PITRM1: variants seen among roughly 807,000 people sequenced by gnomAD.
PITRM1 encodes the protein presequence protease, mitochondrial.
In PITRM1, 100 loss-of-function variants were observed where a neutral mutation model predicts 129.9. That is an observed-to-expected ratio of 0.77 (90% CI 0.65 to 0.91). The LOEUF is 0.91. Ranked by LOEUF, PITRM1 falls within the 40% of genes least tolerant of loss-of-function variation. PITRM1 has a pLI of 0.00. For synonymous variants in PITRM1, 591 were observed against 508.8 expected, an observed-to-expected ratio of 1.16 and a Z score of -2.17; for missense variants, 1,471 against 1,318.3, an observed-to-expected ratio of 1.12 and a Z score of -1.79.
Position 3,160,245 on chromosome 10 carries a change from G to C in PITRM1, c.877C>G (p.Pro293Ala), listed in dbSNP as rs1842335527. Reference protein sequence around the residue: ...EALSKFQKIEPSTVVPAQTPW... With the variant: ...EALSKFQKIEASTVVPAQTPW... ...GTCTGAGCTGGCACCACGGTGCTTG[G>C]TTCAATTTTCTGGAATTTGCTCAGT... Residue 293 changes from proline (P) to alanine (A), a missense_variant, in exon 8 of 27, where the codon CCA becomes GCA. By Grantham distance (27) the Pro-to-Ala change is conservative. Coordinates refer to ENST00000224949, the MANE Select transcript of PITRM1 (RefSeq NM_014889.4). 5 of 1,613,856 alleles carry C rather than the reference G, an allele frequency of 3.1e-6. No individual in the cohort carries two copies. The highest frequency in any genetic ancestry group is 4.2e-6 in the Non-Finnish European group (5 of 1,179,856).
At chr10:3,163,980 C>T in intron 6 of PITRM1, 95 bp from the exon 7 acceptor site, 1 of 721,750 alleles carries the variant, frequency 1.4e-6, no homozygotes, top group Non-Finnish European at 2.1e-6. Context: ...CATTCTGGTG[C>T]ATACACCTGT....
Position 3,158,958 on chromosome 10 carries a change from G to A in PITRM1, c.1092C>T (p.Ala364=), listed in dbSNP as rs1842206697. ...TSGPNSPFYK[A]LIESGLGTDF... The stretch of plus-strand genomic sequence containing the variant: ...CTGTGCCAAGGCCAGATTCAATCAA[G>A]GCTTTGTAAAAGGGAGAATTGGGCC... The change falls in exon 10 of 27, where the codon GCC becomes GCT. Residue 364 remains alanine (A), a synonymous_variant. Transcript: ENST00000224949. 6.2e-7 allele frequency: 1 copy of A among 1,613,662 alleles called. No individual in the cohort carries two copies. Among genetic ancestry groups the A allele is most frequent in the Non-Finnish European group, 8.5e-7 (1 of 1,179,742 alleles).
At chr10:3,148,318 G>A (rs747494238) in intron 16 of PITRM1, 27 bp from the exon 17 acceptor site, 28 of 1,569,386 alleles carry the variant, frequency 1.8e-5, no homozygotes, top group East Asian at 2.3e-5. Context: ...GCATCGCCCC[G>A]ATTACAAGTC....
intron 1 of PITRM1, among the ~76,000 whole-genome samples, chr10:3,171,338 T>TTAAA (rs1554804692): frequency 2.1e-5 from 3 of 142,470 alleles, no homozygotes; most frequent in Admixed American, 7.0e-5. Context: ...GGTAAAATAT[T>TTAAA]AAAAAAAAAA....
chr10:3,170,291 A>C, intron 1 of PITRM1, 85 bp from the exon 2 acceptor site: 103 of 914,488 alleles, frequency 1.1e-4, no homozygotes, highest in Non-Finnish European at 1.6e-4. Context: ...AAATACTCTC[A>C]TGTAATAAAG....
chr10:3,167,275 A>T (rs574655846), intron 2 of PITRM1, among the ~76,000 whole-genome samples: 2,556 of 124,854 alleles, frequency 0.02, 55 homozygotes, highest in African/African-American at 0.061. Context: ...TGTGTATAGA[A>T]AGAGAGAGAG....
At position 3,145,714 on chromosome 10, in the gene PITRM1, C is replaced by T; in HGVS notation, c.2339G>A (p.Cys780Tyr). The part of the protein sequence containing the change: ...KHLLNGDNMR[C>Y]SVNATPQQMP... ...CTGCTGAGGAGTCGCATTCACTGAA[C>T]ACCTGTTTGAAAAATTATGTATACA... is the stretch of plus-strand genomic sequence containing the variant. Residue 780 changes from cysteine (C) to tyrosine (Y), a missense_variant and splice_region_variant, in exon 21 of 27, where the codon TGT (cysteine) becomes TAT (tyrosine). Cys to Tyr is a radical substitution (Grantham distance 194, BLOSUM62 -2). Transcript: ENST00000224949. The T allele has an allele frequency of 6.5e-7, 1 of 1,548,010 alleles. No homozygotes were observed. Among genetic ancestry groups the T allele is most frequent in the Non-Finnish European group, 8.7e-7 (1 of 1,143,856 alleles).
At chr10:3,167,284 A>C (rs74112951) in intron 2 of PITRM1, among the ~76,000 whole-genome samples, 3,147 of 149,068 alleles carry the variant, frequency 0.021, 53 homozygotes, top group Non-Finnish European at 0.028. Context: ...AAAGAGAGAG[A>C]GAGCGAGCGA....
At position 3,166,266 on chromosome 10, in the gene PITRM1, C is replaced by T. The variant is rs781034428; in HGVS notation, c.381G>A (p.Leu127=). The part of the protein sequence containing the change: ...YPCRDPFFKM[L]NRSLSTFMNA... ...TCATGAACGTGGAGAGGGACCGGTT[C>T]AACATTTTGAAGAAAGGGTCTCTGC... The change falls in exon 4 of 27, where the codon TTG becomes TTA. Residue 127 remains leucine (L), a synonymous_variant. Coordinates refer to ENST00000224949, the MANE Select transcript of PITRM1 (RefSeq NM_014889.4). 6.2e-7 allele frequency: 1 copy of T among 1,613,388 alleles called. No individual in the cohort carries two copies. The highest frequency in any genetic ancestry group is 1.1e-5 in the South Asian group (1 of 91,020).
rs1206542969 is a variant in PITRM1 at position 3,149,741 on chromosome 10, G to A, written c.1751C>T (p.Pro584Leu). The change falls in exon 16 of 27, where the codon CCT (proline) becomes CTT (leucine). Residue 584 changes from proline (P) to leucine (L), a missense_variant. Physicochemically the swap from Pro to Leu is moderately conservative, Grantham distance 98. Coordinates refer to ENST00000224949, the MANE Select transcript of PITRM1 (RefSeq NM_014889.4). Reference protein sequence around the residue: ...LDVVLTAGDIPVQYCAQPTNG... With the variant: ...LDVVLTAGDILVQYCAQPTNG... ...GGTGGGCTGGGCGCAGTACTGAACA[G>A]GGATATCTCCAGCTAGAAAAACAAA... 8 of 1,613,604 alleles carry A rather than the reference G, an allele frequency of 5.0e-6. No individual in the cohort carries two copies. Among genetic ancestry groups the A allele is most frequent in the African/African-American group, 1.3e-5 (1 of 74,926 alleles).
chr10:3,165,610 G>A lies in PITRM1; in HGVS notation c.419-83C>T, dbSNP rs560456016. On this transcript the variant is annotated intron_variant, in intron 4 of 26. Coordinates refer to ENST00000224949, the MANE Select transcript of PITRM1 (RefSeq NM_014889.4). ...GACTCTCAAGACTCATTCCCCCTTT[G>A]TCCTAGGACAGTAAGCTGTAGCTAT... 8.1e-5 allele frequency: 67 copies of A among 828,176 alleles called. 3 individuals are homozygous for A. Among genetic ancestry groups the A allele is most frequent in the African/African-American group, 7.2e-4 (42 of 58,640 alleles). 51.3% of individuals were successfully genotyped at this position (828,176 alleles called of 1,614,324 possible).
At chr10:3,163,941 A>C (rs1482866028) in intron 6 of PITRM1, 56 bp from the exon 7 acceptor site, 1 of 1,209,402 alleles carries the variant, frequency 8.3e-7, no homozygotes, top group East Asian at 2.6e-5. Context: ...TACACACGTT[A>C]CATTACTTAC....
At chr10:3,149,851 T>C in intron 15 of PITRM1, 98 bp from the exon 16 acceptor site, 1 of 1,333,256 alleles carries the variant, frequency 7.5e-7, no homozygotes, top group East Asian at 2.3e-5. Context: ...TTTTCAAGAA[T>C]GGAGGTTTAA....
intron 16 of PITRM1, 100 bp downstream of exon 16, chr10:3,149,521 T>G: frequency 8.3e-7 from 1 of 1,209,714 alleles, no homozygotes; most frequent in Non-Finnish European, 1.1e-6. Flanking sequence ...CATTGTAAGT[T>G]GTGATTCACT....
chr10:3,138,978 G>A lies in PITRM1; in HGVS notation c.2843C>T (p.Thr948Ile), dbSNP rs1236486822. 6.2e-7 allele frequency: 1 copy of A among 1,613,708 alleles called. No individual in the cohort carries two copies. The highest frequency in any genetic ancestry group is 8.5e-7 in the Non-Finnish European group (1 of 1,179,696). The change falls in exon 25 of 27, where the codon ACA becomes ATA. Residue 948 changes from threonine (T) to isoleucine (I), a missense_variant. Thr to Ile is a moderately conservative substitution (Grantham distance 89, BLOSUM62 -1). Coordinates refer to ENST00000224949, the MANE Select transcript of PITRM1 (RefSeq NM_014889.4). ...AVDWAKSGKFTQQDIDEAKLS... is the reference protein window; with the variant it reads ...AVDWAKSGKFIQQDIDEAKLS... ...TTTGGCTTCGTCGATGTCTTGCTGT[G>A]TGAATTTTCCAGACTTAGCCCAGTC...
chr10:3,168,948 ACACACACACACACACAC>A (rs1843114532), intron 2 of PITRM1, among the ~76,000 whole-genome samples: 4 of 67,342 alleles, frequency 5.9e-5, no homozygotes, highest in Non-Finnish European at 1.3e-4. Flanking sequence ...ACACACACAC[ACACACACACACACACAC>A]AATTAGCCAG....
At chr10:3,160,064 T>A (rs1056281655) in intron 8 of PITRM1, 128 bp from the exon 9 acceptor site, 1 of 1,244,610 alleles carries the variant, frequency 8.0e-7, no homozygotes, top group Non-Finnish European at 1.1e-6. Flanking sequence ...TCAAACAAAT[T>A]ACCATTCTTT....
Position 3,158,986 on chromosome 10 carries a change from G to C in PITRM1, c.1064C>G (p.Ser355Cys), listed in dbSNP as rs34854792. 9.2e-4 allele frequency: 1,482 copies of C among 1,613,534 alleles called. 19 individuals carry two copies. The African/African-American group carries it at 0.017, about 19-fold the overall frequency. The change falls in exon 10 of 27, where the codon TCT becomes TGT. Residue 355 changes from serine (S) to cysteine (C), a missense_variant. By Grantham distance (112) the Ser-to-Cys change is moderately radical (BLOSUM62 -1). Transcript: ENST00000224949. ...TLSLLSSLLT[S>C]GPNSPFYKAL... Reference sequence around the variant, plus strand: ...TTTGTAAAAGGGAGAATTGGGCCCAGAAGTCAAGAGTGAAGACAGAAGACT... The same window carrying C: ...TTTGTAAAAGGGAGAATTGGGCCCACAAGTCAAGAGTGAAGACAGAAGACT...
At position 3,145,704 on chromosome 10, in the gene PITRM1, ATTC is replaced by A; in HGVS notation, c.2346_2348del (p.Asn783del). 1 of 1,549,880 alleles carries A rather than the reference ATTC, an allele frequency of 6.5e-7. No homozygotes were observed. Among genetic ancestry groups the A allele is most frequent in the Non-Finnish European group, 8.7e-7 (1 of 1,145,264 alleles). ...TCTGAGGCATCTGCTGAGGAGTCGC[ATTC>A]ACTGAACACCTGTTTGAAAAATTAT... On this transcript the variant is annotated inframe_deletion, in exon 21 of 27. Coordinates refer to ENST00000224949, the MANE Select transcript of PITRM1 (RefSeq NM_014889.4).
Sources: allele counts gnomAD v4.1 joint callset (sites outside exome capture counted in the v4.1 genomes callset), GRCh38; gene constraint gnomAD v4.1.1; transcripts MANE v1.5; gene names NCBI Gene and HGNC (gene_info 2026-07-23, HGNC 2026-07-21).